Variants in CDH18 observed in about 807,000 individuals in gnomAD.
The protein encoded by CDH18 is cadherin 18, also known as cadherin-18.
In CDH18, 31 loss-of-function variants were observed where a neutral mutation model predicts 67.9. That is an observed-to-expected ratio of 0.46 (90% CI 0.34 to 0.62). The LOEUF is 0.62. CDH18 is among the 20% of genes least tolerant of loss of function. The pLI is 0.01. For missense variants in CDH18, 890 were observed against 975.5 expected (o/e 0.91, Z 1.17); for synonymous variants, 362 against 347.2 (o/e 1.04, Z -0.48).
At chr5:19,873,983 A>C (rs115203757) in intron 2 of CDH18, among the ~76,000 whole-genome samples, 1,539 of 152,246 alleles carry the variant, frequency 0.01, 23 homozygotes, top group African/African-American at 0.027. Flanking sequence ...AGCAGAAATA[A>C]TTTTCTCTTC....
chr5:20,092,163 C>A (rs918210354), intron 2 of CDH18, among the ~76,000 whole-genome samples: 1 of 152,058 alleles, frequency 6.6e-6, no homozygotes, highest in African/African-American at 2.4e-5. Flanking sequence ...AAGTACCTGG[C>A]AATGTTCAGG....
chr5:19,696,882 C>A (rs184477778), intron 5 of CDH18, among the ~76,000 whole-genome samples: 1 of 152,236 alleles, frequency 6.6e-6, no homozygotes, highest in African/African-American at 2.4e-5. Context: ...ATTTGAATAA[C>A]TGTGAGTGCT....
intron 1 of CDH18, among the ~76,000 whole-genome samples, chr5:20,455,077 GA>G (rs60672849): frequency 0.069 from 10,268 of 148,156 alleles, 1,091 homozygotes; most frequent in African/African-American, 0.23. Context: ...ACTGTGAGCA[GA>G]AAAAAAAAAA....
intron 3 of CDH18, among the ~76,000 whole-genome samples, chr5:19,784,690 T>C (rs933953964): frequency 2.0e-5 from 3 of 152,202 alleles, no homozygotes; most frequent in African/African-American, 7.2e-5. Context: ...ATTTAAAACC[T>C]AGCAAAGTAA....
chr5:20,519,547 C>G (rs189280279), intron 1 of CDH18, among the ~76,000 whole-genome samples: 1 of 151,860 alleles, frequency 6.6e-6, no homozygotes, highest in Non-Finnish European at 1.5e-5. Flanking sequence ...GTGCAGTACA[C>G]GAATATGGCA....
At chr5:19,644,320 A>C (rs1245981341) in intron 5 of CDH18, among the ~76,000 whole-genome samples, 1 of 152,120 alleles carries the variant, frequency 6.6e-6, no homozygotes, top group East Asian at 1.9e-4. Flanking sequence ...TTACTTCCTA[A>C]TACTGTGGTC....
intron 2 of CDH18, chr5:20,158,849 T>C (rs986256963): frequency 5.5e-5 from 11 of 199,196 alleles, no homozygotes; most frequent in Admixed American, 3.0e-4. Context: ...ACAATCATCA[T>C]TAGCCAACTG....
chr5:20,181,007 G>T (rs1171386381), intron 2 of CDH18, among the ~76,000 whole-genome samples: 4 of 151,978 alleles, frequency 2.6e-5, no homozygotes, highest in African/African-American at 9.7e-5. Flanking sequence ...CTCTATTCAT[G>T]GATCACTGAT....
chr5:19,920,939 A>C (rs2150166705), intron 2 of CDH18, among the ~76,000 whole-genome samples: 1 of 149,768 alleles, frequency 6.7e-6, no homozygotes, highest in South Asian at 2.1e-4. Flanking sequence ...AGGGGGATAG[A>C]GTACATGATA....
intron 1 of CDH18, among the ~76,000 whole-genome samples, chr5:20,542,563 C>T (rs1757113027): frequency 6.6e-6 from 1 of 151,366 alleles, no homozygotes; most frequent in Non-Finnish European, 1.5e-5. Context: ...CATATATATA[C>T]ACACATGCTA....
At chr5:20,275,827 C>A (rs974509345) in intron 1 of CDH18, among the ~76,000 whole-genome samples, 1 of 152,168 alleles carries the variant, frequency 6.6e-6, no homozygotes, top group Non-Finnish European at 1.5e-5. Flanking sequence ...TTGCTCCTAT[C>A]TTCTGGCAGT....
At chr5:20,555,178 C>A (rs997145755) in intron 1 of CDH18, among the ~76,000 whole-genome samples, 59 of 152,114 alleles carry the variant, frequency 3.9e-4, no homozygotes, top group African/African-American at 1.3e-3. Context: ...CTCTATCTCC[C>A]CACATACAAA....
rs2126483202 is a variant in CDH18 at position 19,472,917 on chromosome 5, G to C, written c.*309C>G. On this transcript the variant is annotated 3_prime_UTR_variant, in exon 13 of 13. Coordinates refer to ENST00000382275, the MANE Select transcript of CDH18 (RefSeq NM_004934.5). ...TGAAAAAAATAAATCACAATATATT[G>C]AAACAAATATCATTGTTTGGCTTAA... The C allele has an allele frequency of 4.4e-6, 1 of 227,934 alleles. No homozygotes were observed. Among genetic ancestry groups the C allele is most frequent in the East Asian group, 9.8e-5 (1 of 10,196 alleles). The allele number at this position is 227,934 out of a possible 1,614,324, so 14.1% of individuals were successfully genotyped here.
chr5:20,444,914 T>C (rs1267571665), intron 1 of CDH18, among the ~76,000 whole-genome samples: 1 of 152,076 alleles, frequency 6.6e-6, no homozygotes, highest in Non-Finnish European at 1.5e-5. Flanking sequence ...CGTTGACAAA[T>C]ATGCCAGCTG....
intron 2 of CDH18, among the ~76,000 whole-genome samples, chr5:20,111,546 CTTTTTT>C (rs760458451): frequency 1.1e-3 from 58 of 51,904 alleles, no homozygotes; most frequent in African/African-American, 2.8e-3. Context: ...TTCCTTCTTT[CTTTTTT>C]TTTTTTTTTT....
At chr5:20,088,630 T>G (rs965290971) in intron 2 of CDH18, among the ~76,000 whole-genome samples, 7 of 152,136 alleles carry the variant, frequency 4.6e-5, no homozygotes, top group African/African-American at 9.7e-5. Flanking sequence ...AGGGCCAGAA[T>G]GCAGATCGAC....
At chr5:19,720,295 T>A (rs1765912155) in intron 5 of CDH18, among the ~76,000 whole-genome samples, 1 of 152,132 alleles carries the variant, frequency 6.6e-6, no homozygotes, top group African/African-American at 2.4e-5. Flanking sequence ...CTCCTTTTTG[T>A]ATTAGTTATG....
intron 5 of CDH18, among the ~76,000 whole-genome samples, chr5:19,686,543 C>T (rs762086316): frequency 6.6e-5 from 10 of 152,070 alleles, no homozygotes; most frequent in South Asian, 2.1e-4. Flanking sequence ...TTTATGTGCG[C>T]GCACCTACAA....
At chr5:20,409,932 C>A (rs1475267555) in intron 1 of CDH18, among the ~76,000 whole-genome samples, 1 of 151,492 alleles carries the variant, frequency 6.6e-6, no homozygotes, top group Admixed American at 6.6e-5. Flanking sequence ...CCTAGCTAGA[C>A]TGAATTATGA....
Sources: gnomAD v4.1 joint callset for allele counts (sites outside exome capture counted in the v4.1 genomes callset) on GRCh38, gnomAD v4.1.1 for gene constraint, MANE v1.5 for transcripts, NCBI Gene and HGNC (gene_info 2026-07-23, HGNC 2026-07-21) for gene names.